Variants in CALN1 observed in about 807,000 individuals in gnomAD.
The protein encoded by CALN1 is calcium-binding protein 8.
CALN1 carries 17 observed loss-of-function variants against 30.6 expected under a neutral mutation model. That is an observed-to-expected ratio of 0.56 (90% confidence interval 0.38 to 0.83). The LOEUF is 0.83. Ranked by LOEUF, CALN1 falls within the 40% of genes least tolerant of loss-of-function variation. The probability of loss-of-function intolerance (pLI) is 0.00; values close to 1 mark genes in which losing one functional copy is unlikely to be tolerated. For missense variants in CALN1, 291 were observed against 354.9 expected (o/e 0.82, Z 1.45); for synonymous variants, 156 against 131.4 (o/e 1.19, Z -1.28).
intron 3 of CALN1, among the ~76,000 whole-genome samples, chr7:72,159,462 T>C (rs1787948894): frequency 6.6e-6 from 1 of 152,052 alleles, no homozygotes; most frequent in Admixed American, 6.6e-5. Flanking sequence ...ACCACGCCAC[T>C]GTACTCCAGC....
intron 2 of CALN1, among the ~76,000 whole-genome samples, chr7:72,283,446 G>C (rs1797867588): frequency 6.6e-6 from 1 of 152,100 alleles, no homozygotes; most frequent in Middle Eastern, 3.2e-3. Context: ...GAAGTGAGAG[G>C]ATCATGTGAG....
intron 5 of CALN1, among the ~76,000 whole-genome samples, chr7:71,980,144 C>T (rs1798316480): frequency 6.8e-6 from 1 of 146,686 alleles, no homozygotes; most frequent in Non-Finnish European, 1.5e-5. Flanking sequence ...TCCCAAAGTG[C>T]AGGATTACGG....
At chr7:71,806,777 C>A (rs983496007) in intron 6 of CALN1, among the ~76,000 whole-genome samples, 4 of 152,146 alleles carry the variant, frequency 2.6e-5, no homozygotes, top group Admixed American at 2.0e-4. Context: ...CTGATGGTTT[C>A]ATCAAATCAA....
intron 5 of CALN1, among the ~76,000 whole-genome samples, chr7:71,842,381 C>G (rs577794599): frequency 6.6e-6 from 1 of 152,188 alleles, no homozygotes; most frequent in Non-Finnish European, 1.5e-5. Context: ...TGATGTTGAT[C>G]GCTGCCGTTT....
chr7:72,066,676 C>T (rs886205932), intron 4 of CALN1, among the ~76,000 whole-genome samples: 2 of 152,042 alleles, frequency 1.3e-5, no homozygotes, highest in Admixed American at 6.6e-5. Context: ...ACAGTGGCGC[C>T]ATCACGGCTC....
intron 3 of CALN1, among the ~76,000 whole-genome samples, chr7:72,224,848 G>A (rs980632566): frequency 6.6e-5 from 10 of 151,952 alleles, no homozygotes; most frequent in Non-Finnish European, 1.5e-4. Context: ...CAGCACTTTG[G>A]GAAGTCGAGG....
intron 4 of CALN1, among the ~76,000 whole-genome samples, chr7:72,081,433 G>GTGTGTGTGT (rs367954300): frequency 1.5e-5 from 2 of 136,882 alleles, no homozygotes; most frequent in Non-Finnish European, 1.6e-5. Flanking sequence ...GTTTGTTTTT[G>GTGTGTGTGT]GTGTGTGTGT....
At chr7:72,065,902 A>G (rs1803990178) in intron 4 of CALN1, among the ~76,000 whole-genome samples, 1 of 149,464 alleles carries the variant, frequency 6.7e-6, no homozygotes, top group South Asian at 2.1e-4. Context: ...TCAAAAAAAG[A>G]AAAGAAAAGA....
intron 6 of CALN1, among the ~76,000 whole-genome samples, chr7:71,798,123 CAGAG>C (rs3973907): frequency 0.14 from 9,656 of 69,556 alleles, 569 homozygotes; most frequent in Non-Finnish European, 0.17. Context: ...GAGACAGAGA[CAGAG>C]AGAGAGAGAG....
intron 3 of CALN1, among the ~76,000 whole-genome samples, chr7:72,209,168 T>C (rs1279064736): frequency 1.3e-3 from 31 of 23,994 alleles, no homozygotes; most frequent in Non-Finnish European, 3.1e-3. Flanking sequence ...TCCCTTGACT[T>C]CTTCCTTCCC....
At chr7:72,305,561 G>C (rs965194430) in intron 2 of CALN1, among the ~76,000 whole-genome samples, 11 of 152,150 alleles carry the variant, frequency 7.2e-5, no homozygotes, top group African/African-American at 2.7e-4. Flanking sequence ...TGCAAAGTTT[G>C]AGAGAATCCT....
Position 72,204,483 on chromosome 7 carries a change from ATTT to A in CALN1, c.244+74200_244+74202del, listed in dbSNP as rs539252520. 1.4e-4 allele frequency among the ~76,000 whole-genome samples: 22 copies of A among 152,238 alleles called. No individual in the cohort carries two copies. In the East Asian group the frequency reaches 4.2e-3, roughly 29 times the overall value. ...TTAACACAACCAACCCGATCATTGA[ATTT>A]TTTAACATTATAAAAACTATACTAC... On this transcript the variant is annotated intron_variant, in intron 3 of 6. Transcript: ENST00000395275.
intron 5 of CALN1, among the ~76,000 whole-genome samples, chr7:71,992,447 C>T (rs1192102326): frequency 6.6e-6 from 1 of 152,180 alleles, no homozygotes; most frequent in Non-Finnish European, 1.5e-5. Flanking sequence ...GCCTCAAACT[C>T]CTTGGCTTGA....
chr7:72,074,749 G>A (rs549426458), intron 4 of CALN1, among the ~76,000 whole-genome samples: 1 of 152,076 alleles, frequency 6.6e-6, no homozygotes, highest in Non-Finnish European at 1.5e-5. Flanking sequence ...ATCAGATTCA[G>A]TGCCCTGACA....
chr7:72,065,581 G>C (rs1174444508), intron 4 of CALN1, among the ~76,000 whole-genome samples: 1 of 152,046 alleles, frequency 6.6e-6, no homozygotes, highest in Non-Finnish European at 1.5e-5. Flanking sequence ...ATGTATTCTG[G>C]AGTCCCATTG....
At chr7:71,790,045 G>A (rs1279881490) in intron 6 of CALN1, among the ~76,000 whole-genome samples, 1 of 151,810 alleles carries the variant, frequency 6.6e-6, no homozygotes, top group Non-Finnish European at 1.5e-5. Context: ...TCAGGGCTGT[G>A]GTGAGCTGTG....
chr7:72,485,638 C>A, the CALN1 span, among the ~76,000 whole-genome samples: 20 of 152,180 alleles, frequency 1.3e-4, no homozygotes, highest in Admixed American at 1.1e-3. Flanking sequence ...TTGGGAGGCC[C>A]AGGCGGCAGA....
At chr7:72,316,661 G>T (rs540541758) in intron 2 of CALN1, among the ~76,000 whole-genome samples, 1 of 152,052 alleles carries the variant, frequency 6.6e-6, no homozygotes, top group East Asian at 1.9e-4. Flanking sequence ...TTAGGCCGGG[G>T]GCAGTGTCTC....
At chr7:72,191,629 G>C (rs1790614739) in intron 3 of CALN1, among the ~76,000 whole-genome samples, 1 of 151,562 alleles carries the variant, frequency 6.6e-6, no homozygotes, top group African/African-American at 2.4e-5. Context: ...ACATGGAATG[G>C]AGGAAAGCAG....
Sources: gnomAD v4.1 joint callset for allele counts (sites outside exome capture counted in the v4.1 genomes callset) on GRCh38, gnomAD v4.1.1 for gene constraint, MANE v1.5 for transcripts, NCBI Gene and HGNC (gene_info 2026-07-23, HGNC 2026-07-21) for gene names.